Variants in CBLN2 observed in about 807,000 individuals in gnomAD.
The protein encoded by CBLN2 is cerebellin 2 precursor, also known as cerebellin-2.
Under a neutral mutation model 15.0 loss-of-function variants are expected in CBLN2, and 7 were observed. That is an observed-to-expected ratio of 0.47 (90% CI 0.27 to 0.88). The LOEUF (loss-of-function observed/expected upper bound fraction) is 0.88, where lower values mean the gene tolerates loss of function less well. CBLN2 is among the 40% of genes least tolerant of loss of function. The pLI is 0.14. For synonymous variants in CBLN2, 149 were observed against 135.2 expected (o/e 1.10, Z -0.71); for missense variants, 242 against 304.5 (o/e 0.79, Z 1.53).
intron 1 of CBLN2, among the ~76,000 whole-genome samples, chr18:72,606,562 A>G (rs1568129916): frequency 6.6e-6 from 1 of 152,226 alleles, no homozygotes; most frequent in Non-Finnish European, 1.5e-5. Context: ...ATCCTAGTGT[A>G]AAATCTAAAA....
intron 1 of CBLN2, among the ~76,000 whole-genome samples, chr18:72,568,572 A>T (rs1010976698): frequency 1.3e-5 from 2 of 152,072 alleles, no homozygotes; most frequent in Non-Finnish European, 2.9e-5. Flanking sequence ...AAAAACTAAA[A>T]TAAAAAATAA....
chr18:72,580,096 AATAT>A (rs71164094), intron 1 of CBLN2, among the ~76,000 whole-genome samples: 6 of 150,450 alleles, frequency 4.0e-5, no homozygotes, highest in Non-Finnish European at 5.9e-5. Flanking sequence ...ATTATAGCAT[AATAT>A]ATATATATAT....
At position 72,562,966 on chromosome 18, in the gene CBLN2, A is replaced by G. The variant is rs1473971992; in HGVS notation, c.16-24194T>C. 3.3e-5 allele frequency among the ~76,000 whole-genome samples: 5 copies of G among 152,254 alleles called. No individual in the cohort carries two copies. In the East Asian group the frequency reaches 9.6e-4, roughly 29 times the overall value. ...CTAGAATTCCTTTTCCATTTTAGCG[A>G]GAGGTGCTCAAATAGTGGAAGTAAT... is the stretch of plus-strand genomic sequence containing the variant. On this transcript the variant is annotated intron_variant, in intron 1 of 2. Coordinates refer to the CBLN2 transcript ENST00000581073.
intron 1 of CBLN2, among the ~76,000 whole-genome samples, chr18:72,602,534 C>G (rs74910322): frequency 0.012 from 1,766 of 152,274 alleles, 37 homozygotes; most frequent in African/African-American, 0.04. Flanking sequence ...TAGTCAGCTG[C>G]ATGCCAGCTC....
intron 1 of CBLN2, among the ~76,000 whole-genome samples, chr18:72,575,653 G>T (rs2069361388): frequency 6.6e-6 from 1 of 152,156 alleles, no homozygotes; most frequent in Non-Finnish European, 1.5e-5. Context: ...ACTGGGCGGA[G>T]TCCATAGGAG....
chr18:72,621,591 C>T (rs1347610992), intron 1 of CBLN2, among the ~76,000 whole-genome samples: 2 of 152,154 alleles, frequency 1.3e-5, no homozygotes, highest in Admixed American at 6.5e-5. Flanking sequence ...AAACAAATCT[C>T]ATCAGGCCTT....
chr18:72,618,747 C>T (rs1423717783), intron 1 of CBLN2: 3 of 721,578 alleles, frequency 4.2e-6, no homozygotes, highest in African/African-American at 1.7e-5. Flanking sequence ...CCGTGGATGA[C>T]ACTGTCATTC....
chr18:72,605,445 A>G (rs2069576921), intron 1 of CBLN2, among the ~76,000 whole-genome samples: 1 of 152,228 alleles, frequency 6.6e-6, no homozygotes, highest in Non-Finnish European at 1.5e-5. Context: ...CGCTTCTTAT[A>G]ATAGATGCAA....
chr18:72,606,043 C>T (rs1045289883), intron 1 of CBLN2, among the ~76,000 whole-genome samples: 27 of 152,218 alleles, frequency 1.8e-4, no homozygotes, highest in Non-Finnish European at 2.9e-4. Flanking sequence ...AGCAGCCAGT[C>T]CCTTTGGGAG....
At chr18:72,624,374 A>G (rs2069720992) in intron 1 of CBLN2, among the ~76,000 whole-genome samples, 1 of 152,068 alleles carries the variant, frequency 6.6e-6, no homozygotes, top group African/African-American at 2.4e-5. Context: ...AACTAAAACT[A>G]TCTTCCTGCA....
Position 72,596,408 on chromosome 18 carries a change from G to T in CBLN2, c.15+41917C>A, listed in dbSNP as rs547363845. On this transcript the variant is annotated intron_variant, in intron 1 of 2. Coordinates refer to the CBLN2 transcript ENST00000581073. Reference sequence around the variant, plus strand: ...GTTTCAAAAAGTTATAATTATTTTTGATCAGTTCATCTTTTCATCTTTCTA... The same window carrying T: ...GTTTCAAAAAGTTATAATTATTTTTTATCAGTTCATCTTTTCATCTTTCTA... 2.2e-3 allele frequency among the ~76,000 whole-genome samples: 334 copies of T among 151,918 alleles called. 1 individual carries two copies. Among genetic ancestry groups the T allele is most frequent in the African/African-American group, 7.7e-3 (319 of 41,422 alleles).
At chr18:72,579,004 G>A (rs574000526) in intron 1 of CBLN2, among the ~76,000 whole-genome samples, 33 of 152,136 alleles carry the variant, frequency 2.2e-4, no homozygotes, top group Non-Finnish European at 4.4e-4. Context: ...CTGTCCTACT[G>A]TCACCAAGCC....
At chr18:72,548,757 G>C (rs377706254), upstream of CBLN2, among the ~76,000 whole-genome samples, 1 of 152,164 alleles carries the variant, frequency 6.6e-6, no homozygotes, top group African/African-American at 2.4e-5. Flanking sequence ...CCTTGTGCAC[G>C]CAGCATCTGT....
chr18:72,612,600 C>T (rs1018463272), intron 1 of CBLN2, among the ~76,000 whole-genome samples: 2 of 152,178 alleles, frequency 1.3e-5, no homozygotes, highest in Admixed American at 6.5e-5. Flanking sequence ...AAAAACATTG[C>T]CTCTCTGCAA....
At chr18:72,593,359 G>T (rs912257099) in intron 1 of CBLN2, among the ~76,000 whole-genome samples, 3 of 152,124 alleles carry the variant, frequency 2.0e-5, no homozygotes, top group Non-Finnish European at 2.9e-5. Context: ...TGTTGACTTT[G>T]TATCTTGAAA....
intron 1 of CBLN2, among the ~76,000 whole-genome samples, chr18:72,615,139 A>C (rs2069649393): frequency 1.5e-5 from 2 of 135,898 alleles, no homozygotes; most frequent in Non-Finnish European, 3.1e-5. Context: ...ATATTATATA[A>C]ATAAATATAA....
chr18:72,551,885 T>G (rs2069193968), intron 1 of CBLN2, among the ~76,000 whole-genome samples: 1 of 152,190 alleles, frequency 6.6e-6, no homozygotes, highest in African/African-American at 2.4e-5. Flanking sequence ...GCTTTAAACT[T>G]AGAAGGCCAA....
chr18:72,619,922 G>A (rs2069688542), intron 1 of CBLN2, among the ~76,000 whole-genome samples: 1 of 152,212 alleles, frequency 6.6e-6, no homozygotes, highest in Admixed American at 6.5e-5. Context: ...AATGAGTACA[G>A]GAACTGAAGT....
At chr18:72,547,127 C>T (rs1417569885), upstream of CBLN2, among the ~76,000 whole-genome samples, 2 of 135,692 alleles carry the variant, frequency 1.5e-5, no homozygotes, top group Admixed American at 6.9e-5. Flanking sequence ...CACACACACA[C>T]ACACACACAC....
Sources: gnomAD v4.1 joint callset for allele counts (sites outside exome capture counted in the v4.1 genomes callset) on GRCh38, gnomAD v4.1.1 for gene constraint, MANE v1.5 for transcripts, NCBI Gene and HGNC (gene_info 2026-07-23, HGNC 2026-07-21) for gene names.